HP1BP3: variants seen among roughly 807,000 people sequenced by gnomAD.
HP1BP3 encodes heterochromatin protein 1 binding protein 3, also known as heterochromatin protein 1-binding protein 3.
A neutral mutation model predicts 62.5 loss-of-function variants in HP1BP3; 12 were observed. That is an observed-to-expected ratio of 0.19 (90% CI 0.12 to 0.31). The LOEUF (loss-of-function observed/expected upper bound fraction) is 0.31. HP1BP3 is among the 10% of genes least tolerant of loss of function. HP1BP3 has a pLI of 1.00. For synonymous variants in HP1BP3, 260 were observed against 237.8 expected (o/e 1.09, Z -0.86); for missense variants, 502 against 651.8 (o/e 0.77, Z 2.50).
intron 8 of HP1BP3, among the ~76,000 whole-genome samples, chr1:20,761,636 T>C (rs1409987264): frequency 2.0e-5 from 3 of 152,192 alleles, no homozygotes; most frequent in Non-Finnish European, 4.4e-5. Flanking sequence ...AGGTATGGGC[T>C]AGATTCATAC....
intron 1 of HP1BP3, among the ~76,000 whole-genome samples, 161 bp downstream of exon 1, chr1:20,787,034 G>A (rs1294335300): frequency 1.3e-5 from 2 of 151,806 alleles, no homozygotes; most frequent in African/African-American, 2.4e-5. Context: ...GGAGCGGCCG[G>A]GTAAGGCAGA....
intron 8 of HP1BP3, among the ~76,000 whole-genome samples, chr1:20,764,989 T>A (rs915185818): frequency 2.6e-5 from 4 of 151,690 alleles, no homozygotes; most frequent in African/African-American, 9.7e-5. Flanking sequence ...GCCAACATGA[T>A]GAAACCTTGG....
At chr1:20,762,702 T>C (rs1464334962) in intron 8 of HP1BP3, among the ~76,000 whole-genome samples, 1 of 152,126 alleles carries the variant, frequency 6.6e-6, no homozygotes, top group Admixed American at 6.6e-5. Context: ...ATTTGAGTTG[T>C]CCCACCTTTC....
chr1:20,758,171 A>G (rs1358683165), intron 8 of HP1BP3, among the ~76,000 whole-genome samples: 5 of 152,082 alleles, frequency 3.3e-5, no homozygotes, highest in Admixed American at 6.6e-5. Context: ...AAAACAAAAC[A>G]AAAAAATTAT....
chr1:20,754,756 G>A (rs960666719), intron 9 of HP1BP3, among the ~76,000 whole-genome samples: 5 of 152,012 alleles, frequency 3.3e-5, no homozygotes, highest in Non-Finnish European at 5.9e-5. Flanking sequence ...AAAGGTGCTG[G>A]AATAATCACA....
At chr1:20,773,762 A>G in intron 4 of HP1BP3, 152 bp from the exon 5 acceptor site, 1 of 479,074 alleles carries the variant, frequency 2.1e-6, no homozygotes, top group East Asian at 3.4e-5. Flanking sequence ...ATTTTACAAA[A>G]TAAATCTTCT....
At chr1:20,752,586 G>C (rs2055839432) in intron 9 of HP1BP3, among the ~76,000 whole-genome samples, 1 of 152,030 alleles carries the variant, frequency 6.6e-6, no homozygotes, top group Non-Finnish European at 1.5e-5. Flanking sequence ...CACTGCACCT[G>C]GCCTTTTCAC....
chr1:20,774,045 C>G (rs2154541135), intron 4 of HP1BP3: 1 of 153,052 alleles, frequency 6.5e-6, no homozygotes, highest in Admixed American at 6.5e-5. Flanking sequence ...TCTTTCTCCT[C>G]AGCTATAAAA....
At chr1:20,782,772 C>T (rs1270343547) in intron 1 of HP1BP3, among the ~76,000 whole-genome samples, 2 of 151,500 alleles carry the variant, frequency 1.3e-5, no homozygotes, top group East Asian at 1.9e-4. Context: ...TGGTGGTGCG[C>T]GCCTGTAATC....
Position 20,745,590 on chromosome 1 carries a change from C to G in HP1BP3, c.1320G>C (p.Glu440Asp), listed in dbSNP as rs1468921519. The part of the protein sequence containing the change: ...DSRDEDEDED[E>D]SSEEDSEDEE... The stretch of plus-strand genomic sequence containing the variant: ...CATCCTCAGAGTCTTCTTCTGATGA[C>G]TCATCTTCATCTTCATCCTCATCTC... Residue 440 changes from glutamate (E) to aspartate (D), a missense_variant, in exon 12 of 13, where the codon GAG becomes GAC. Transcript: ENST00000438032. 1 of 1,613,422 alleles carries G rather than the reference C, an allele frequency of 6.2e-7. No homozygotes were observed. Among genetic ancestry groups the G allele is most frequent in the East Asian group, 2.2e-5 (1 of 44,860 alleles).
chr1:20,745,796 G>C, intron 11 of HP1BP3, 140 bp from the exon 12 acceptor site: 1 of 768,834 alleles, frequency 1.3e-6, no homozygotes, highest in Non-Finnish European at 2.0e-6. Context: ...CACGTATCAG[G>C]TTACAATTTA....
intron 8 of HP1BP3, among the ~76,000 whole-genome samples, chr1:20,761,606 C>A (rs1229227953): frequency 6.6e-6 from 1 of 151,996 alleles, no homozygotes. Flanking sequence ...TCCGTATACA[C>A]GAATCTGAAG....
intron 9 of HP1BP3, among the ~76,000 whole-genome samples, chr1:20,754,516 G>A (rs2055979010): frequency 6.6e-6 from 1 of 151,510 alleles, no homozygotes; most frequent in Non-Finnish European, 1.5e-5. Flanking sequence ...GAACTGTACA[G>A]GACCCGGCAT....
At chr1:20,769,857 A>G (rs1277136307) in intron 6 of HP1BP3, among the ~76,000 whole-genome samples, 1 of 152,206 alleles carries the variant, frequency 6.6e-6, no homozygotes, top group Non-Finnish European at 1.5e-5. Flanking sequence ...ATTAAGTACT[A>G]GTTGGAAGTC....
intron 9 of HP1BP3, chr1:20,755,424 TAATC>T: frequency 2.2e-6 from 1 of 450,448 alleles, no homozygotes; most frequent in South Asian, 1.6e-5. Context: ...ATACAAAAAT[TAATC>T]AGGCATGGTG....
intron 5 of HP1BP3, among the ~76,000 whole-genome samples, chr1:20,771,451 G>A (rs1007458319): frequency 7.9e-5 from 12 of 152,146 alleles, no homozygotes; most frequent in African/African-American, 2.4e-4. Flanking sequence ...TTTAAGGCAC[G>A]AGCTTAAGGA....
chr1:20,753,772 A>G (rs1166926328), intron 9 of HP1BP3, among the ~76,000 whole-genome samples: 1 of 152,216 alleles, frequency 6.6e-6, no homozygotes, highest in African/African-American at 2.4e-5. Context: ...CAAACCACAC[A>G]ATCATCTCAA....
At chr1:20,763,079 G>C (rs530511018) in intron 8 of HP1BP3, among the ~76,000 whole-genome samples, 1 of 152,196 alleles carries the variant, frequency 6.6e-6, no homozygotes, top group Admixed American at 6.5e-5. Flanking sequence ...GGTTAAGAGT[G>C]TGGCACCTTT....
intron 8 of HP1BP3, 134 bp downstream of exon 8, chr1:20,765,243 T>C (rs372466396): frequency 2.2e-6 from 1 of 452,344 alleles, no homozygotes; most frequent in Non-Finnish European, 3.6e-6. Context: ...GGCAAAAAAA[T>C]AAAACCAATA....
Sources: gnomAD v4.1 joint callset for allele counts (sites outside exome capture counted in the v4.1 genomes callset) on GRCh38, gnomAD v4.1.1 for gene constraint, MANE v1.5 for transcripts, NCBI Gene and HGNC (gene_info 2026-07-23, HGNC 2026-07-21) for gene names.